Variants in TMEM11 observed in about 807,000 individuals in gnomAD.
TMEM11 encodes the protein transmembrane protein 11.
In TMEM11, 1 loss-of-function variant was observed where a neutral mutation model predicts 17.0. That is an observed-to-expected ratio of 0.06 (90% CI 0.02 to 0.28). TMEM11 has a LOEUF of 0.28. TMEM11 is among the 10% of genes least tolerant of loss of function. TMEM11 has a pLI of 1.00. For synonymous variants in TMEM11, 122 were observed against 118.1 expected (o/e 1.03, Z -0.21); for missense variants, 172 against 252.9 (o/e 0.68, Z 2.17).
intron 1 of TMEM11, among the ~76,000 whole-genome samples, chr17:21,201,266 T>C (rs1158822897): frequency 6.6e-6 from 1 of 152,236 alleles, no homozygotes; most frequent in Non-Finnish European, 1.5e-5. Context: ...TGGCTTGGAC[T>C]TGGGCAAACG....
At chr17:21,202,340 A>G (rs1974891232) in intron 1 of TMEM11, among the ~76,000 whole-genome samples, 1 of 152,198 alleles carries the variant, frequency 6.6e-6, no homozygotes, top group Non-Finnish European at 1.5e-5. Flanking sequence ...CTCCCTCAGG[A>G]ACACTCAAAG....
intron 1 of TMEM11, among the ~76,000 whole-genome samples, chr17:21,200,402 A>T (rs540290316): frequency 1.3e-5 from 2 of 152,214 alleles, no homozygotes; most frequent in Non-Finnish European, 2.9e-5. Context: ...AGAAGTCTTT[A>T]TCTGGGCCTT....
At chr17:21,208,681 C>T (rs1381662135) in intron 1 of TMEM11, 1 of 152,236 alleles carries the variant, frequency 6.6e-6, no homozygotes, top group Non-Finnish European at 1.5e-5. Flanking sequence ...CACATTAGGC[C>T]CCTTCTTGGA....
At chr17:21,207,361 C>G (rs1311194432) in intron 1 of TMEM11, among the ~76,000 whole-genome samples, 1 of 151,224 alleles carries the variant, frequency 6.6e-6, no homozygotes, top group Admixed American at 6.6e-5. Flanking sequence ...GAAACTGTGT[C>G]CCTACTAAAA....
intron 1 of TMEM11, among the ~76,000 whole-genome samples, chr17:21,212,357 ATTTGAGTCAAGCTGT>A (rs2144313839): frequency 2.7e-5 from 2 of 75,274 alleles, no homozygotes; most frequent in South Asian, 8.2e-4. Context: ...CTGACAGGTG[ATTTGAGTCAAGCTGT>A]CAGGTGATTT....
intron 1 of TMEM11, among the ~76,000 whole-genome samples, chr17:21,212,350 ACAGGTGATTTGAGTCAAGCTGT>A (rs61253948): frequency 0.3 from 45,102 of 151,764 alleles, 6,790 homozygotes; most frequent in Middle Eastern, 0.34. Flanking sequence ...AGTCAAGCTG[ACAGGTGATTTGAGTCAAGCTGT>A]CAGGTGATTT....
intron 1 of TMEM11, among the ~76,000 whole-genome samples, chr17:21,199,116 A>T (rs192264172): frequency 2.6e-5 from 4 of 151,530 alleles, no homozygotes; most frequent in East Asian, 1.9e-4. Context: ...GTCAGGAGTT[A>T]GAGACCAGCC....
chr17:21,198,207 C>T lies in TMEM11; in HGVS notation c.*117G>A. On this transcript the variant is annotated 3_prime_UTR_variant, in exon 2 of 2. Coordinates refer to ENST00000317635, the MANE Select transcript of TMEM11 (RefSeq NM_003876.3). The surrounding 1 kb of genome is among the most constrained non-coding windows in gnomAD (Gnocchi z 6.5). Reference sequence around the variant, plus strand: ...GTGATCTGTTATTTTTTAAAAATAACAAATACTAAGCCAAACACCTGCCCA... The same window carrying T: ...GTGATCTGTTATTTTTTAAAAATAATAAATACTAAGCCAAACACCTGCCCA... 7.5e-7 allele frequency: 1 copy of T among 1,335,984 alleles called. No individual in the cohort carries two copies. Among genetic ancestry groups the T allele is most frequent in the South Asian group, 1.4e-5 (1 of 69,834 alleles). The allele number at this position is 1,335,984 out of a possible 1,614,324, so 82.8% of individuals were successfully genotyped here.
intron 1 of TMEM11, among the ~76,000 whole-genome samples, chr17:21,205,702 C>A (rs192923299): frequency 1.3e-5 from 2 of 152,034 alleles, no homozygotes; most frequent in Non-Finnish European, 2.9e-5. Flanking sequence ...ATGATCCCCC[C>A]ATTCCCCACC....
chr17:21,211,264 A>G, intron 1 of TMEM11: 1 of 1,279,014 alleles, frequency 7.8e-7, no homozygotes, highest in Non-Finnish European at 1.0e-6. Context: ...ATCAACATGC[A>G]AGCACTACCA....
At chr17:21,200,323 G>A (rs1974869966) in intron 1 of TMEM11, among the ~76,000 whole-genome samples, 1 of 152,208 alleles carries the variant, frequency 6.6e-6, no homozygotes, top group African/African-American at 2.4e-5. Context: ...GGTTTCAGCT[G>A]AGACAGATCT....
intron 1 of TMEM11, among the ~76,000 whole-genome samples, chr17:21,206,227 GTTTTC>G (rs1974940931): frequency 6.6e-6 from 1 of 152,024 alleles, no homozygotes; most frequent in Admixed American, 6.6e-5. Flanking sequence ...GTTATTTTCC[GTTTTC>G]TTTTCTTTTG....
At chr17:21,212,749 T>C (rs1436888889) in intron 1 of TMEM11, among the ~76,000 whole-genome samples, 3 of 152,254 alleles carry the variant, frequency 2.0e-5, no homozygotes, top group African/African-American at 4.8e-5. Flanking sequence ...CGTATGTTTC[T>C]AATACTTTGT....
At chr17:21,206,800 A>G (rs368686471) in intron 1 of TMEM11, among the ~76,000 whole-genome samples, 12 of 152,276 alleles carry the variant, frequency 7.9e-5, no homozygotes, top group African/African-American at 2.2e-4. Flanking sequence ...AATTACAGGC[A>G]TGAGCCACCA....
intron 1 of TMEM11, chr17:21,208,606 G>T (rs1442738104): frequency 6.6e-6 from 1 of 152,332 alleles, no homozygotes; most frequent in Non-Finnish European, 1.5e-5. Flanking sequence ...AAGCTGCCAG[G>T]CCAGCCACCA....
intron 1 of TMEM11, chr17:21,211,056 A>G: frequency 7.8e-7 from 1 of 1,289,824 alleles, no homozygotes; most frequent in Non-Finnish European, 1.0e-6. Context: ...ACGGTGGCAG[A>G]ACACAGATAC....
Position 21,210,931 on chromosome 17 carries a change from C to A in TMEM11, c.62+3160G>T, listed in dbSNP as rs772902426. On this transcript the variant is annotated intron_variant, in intron 1 of 1. Coordinates refer to ENST00000317635, the MANE Select transcript of TMEM11 (RefSeq NM_003876.3). Reference sequence around the variant, plus strand: ...AGGAACTCAAGAGCACACAGCTATACTCACATTCCAACAATCACGGAGGGC... The same window carrying A: ...AGGAACTCAAGAGCACACAGCTATAATCACATTCCAACAATCACGGAGGGC... 4.7e-6 allele frequency: 6 copies of A among 1,282,152 alleles called. No homozygotes were observed. The African/African-American group carries it at 7.6e-5, about 16-fold the overall frequency. The allele number at this position is 1,282,152 out of a possible 1,614,324, so 79.4% of individuals were successfully genotyped here.
At chr17:21,212,600 T>A (rs958896927) in intron 1 of TMEM11, among the ~76,000 whole-genome samples, 3 of 152,252 alleles carry the variant, frequency 2.0e-5, no homozygotes, top group African/African-American at 7.2e-5. Flanking sequence ...AACAGTTGTC[T>A]CAAGCCAAAA....
intron 1 of TMEM11, among the ~76,000 whole-genome samples, chr17:21,209,965 G>C (rs1412248798): frequency 2.6e-5 from 4 of 152,162 alleles, no homozygotes; most frequent in Non-Finnish European, 5.9e-5. Flanking sequence ...GTGGCTGCTG[G>C]CACCAGGGCG....
Sources: allele counts gnomAD v4.1 joint callset (sites outside exome capture counted in the v4.1 genomes callset), GRCh38; gene constraint gnomAD v4.1.1; non-coding constraint Gnocchi (gnomAD v3.1); transcripts MANE v1.5; gene names NCBI Gene and HGNC (gene_info 2026-07-23, HGNC 2026-07-21).